The following RBFOX2 variants were observed in gnomAD, a reference collection of about 807,000 sequenced individuals.
RBFOX2 encodes RNA binding fox-1 homolog 2.
A neutral mutation model predicts 49.1 loss-of-function variants in RBFOX2; 10 were observed. The observed-to-expected ratio is 0.20, with a 90% CI of 0.13 to 0.35. The LOEUF (loss-of-function observed/expected upper bound fraction) is 0.35. RBFOX2 is among the 10% of genes least tolerant of loss of function. The probability of loss-of-function intolerance (pLI) is 1.00; values close to 1 mark genes in which losing one functional copy is unlikely to be tolerated. For missense variants in RBFOX2, 323 were observed against 486.9 expected (o/e 0.66, Z 3.17); for synonymous variants, 183 against 187.4 (o/e 0.98, Z 0.19).
At chr22:36,026,715 GAC>G (rs2059452774) in intron 1 of RBFOX2, among the ~76,000 whole-genome samples, 1 of 152,070 alleles carries the variant, frequency 6.6e-6, no homozygotes, top group African/African-American at 2.4e-5. Context: ...CCCTCTGCCT[GAC>G]AGAGTTCTAA....
chr22:35,794,384 C>T (rs1011418098), intron 2 of RBFOX2, among the ~76,000 whole-genome samples: 4 of 152,016 alleles, frequency 2.6e-5, no homozygotes, highest in Non-Finnish European at 4.4e-5. Flanking sequence ...TTAGGCCGTG[C>T]GCGGTGGCTC....
At chr22:35,874,689 G>C (rs1450856641) in intron 1 of RBFOX2, among the ~76,000 whole-genome samples, 1 of 152,174 alleles carries the variant, frequency 6.6e-6, no homozygotes, top group East Asian at 1.9e-4. Flanking sequence ...GCCTAATGAG[G>C]TTAAGTAATT....
At chr22:35,748,619 T>C (rs749648444) in intron 9 of RBFOX2, 1 of 152,194 alleles carries the variant, frequency 6.6e-6, no homozygotes, top group Non-Finnish European at 1.5e-5. Context: ...AGTGTAAAGT[T>C]ACAGCAGGGC....
At chr22:35,752,850 T>C (rs1315956129) in intron 9 of RBFOX2, among the ~76,000 whole-genome samples, 1 of 152,156 alleles carries the variant, frequency 6.6e-6, no homozygotes, top group Non-Finnish European at 1.5e-5. Flanking sequence ...CCTTTTCTAC[T>C]GGCCAAAAAA....
intron 1 of RBFOX2, among the ~76,000 whole-genome samples, chr22:35,892,594 C>T (rs1255303178): frequency 6.6e-6 from 1 of 152,100 alleles, no homozygotes; most frequent in African/African-American, 2.4e-5. Context: ...GAACATAGTC[C>T]AGTAATTTTT....
Position 35,830,796 on chromosome 22 carries a change from A to T in RBFOX2, c.27+9396T>A, listed in dbSNP as rs532624904. Among the ~76,000 whole-genome samples the T allele has an allele frequency of 1.3e-4, 20 of 152,314 alleles. No homozygotes were observed. The South Asian group carries it at 2.7e-3, about 21-fold the overall frequency. ...ATATAACTACATGAAAAATGTTTTT[A>T]AAAAAATATGAAAATGTATATGAAA... is the stretch of plus-strand genomic sequence containing the variant. On this transcript the variant is annotated intron_variant, in intron 1 of 11. Coordinates refer to ENST00000405409, the Ensembl canonical transcript of RBFOX2.
At chr22:36,009,704 A>G (rs1170221562) in intron 1 of RBFOX2, among the ~76,000 whole-genome samples, 1 of 152,132 alleles carries the variant, frequency 6.6e-6, no homozygotes, top group Non-Finnish European at 1.5e-5. Flanking sequence ...GGGCCCTCTT[A>G]ACCAAATATT....
At chr22:35,879,376 T>A (rs945683113) in intron 1 of RBFOX2, among the ~76,000 whole-genome samples, 1 of 152,232 alleles carries the variant, frequency 6.6e-6, no homozygotes, top group Non-Finnish European at 1.5e-5. Flanking sequence ...TTACACTTCA[T>A]TAGGTACTAT....
intron 1 of RBFOX2, among the ~76,000 whole-genome samples, chr22:35,885,208 G>A (rs1042115647): frequency 4.6e-5 from 7 of 152,064 alleles, no homozygotes; most frequent in Admixed American, 6.6e-5. Context: ...AGCAACAACT[G>A]ATCTTCCCAA....
chr22:35,767,374 C>CATT (rs34028120), intron 5 of RBFOX2, among the ~76,000 whole-genome samples: 5 of 152,098 alleles, frequency 3.3e-5, no homozygotes, highest in African/African-American at 9.7e-5. Flanking sequence ...TTACCGCCAA[C>CATT]GGGCACCATC....
chr22:35,816,743 C>T (rs183717706), intron 1 of RBFOX2, among the ~76,000 whole-genome samples: 301 of 152,222 alleles, frequency 2.0e-3, no homozygotes, highest in African/African-American at 6.6e-3. Flanking sequence ...AAAAACCAAT[C>T]GCCATTGAAG....
At chr22:35,886,455 C>T (rs2149334328) in intron 1 of RBFOX2, among the ~76,000 whole-genome samples, 1 of 152,336 alleles carries the variant, frequency 6.6e-6, no homozygotes, top group East Asian at 1.9e-4. Context: ...GCCAGGCACA[C>T]ATCCTGTGAA....
intron 2 of RBFOX2, among the ~76,000 whole-genome samples, chr22:35,793,389 A>G (rs190928450): frequency 3.0e-4 from 46 of 152,260 alleles, no homozygotes; most frequent in Middle Eastern, 6.8e-3. Context: ...TAAATAAATC[A>G]ATGAATAAAA....
exon 6 of RBFOX2, chr22:35,765,441 C>A (rs747603443): frequency 6.6e-7 from 1 of 1,519,180 alleles, no homozygotes; most frequent in Non-Finnish European, 9.1e-7. Flanking sequence ...TATGGTGTGA[C>A]CATCTTCTTA....
intron 1 of RBFOX2, among the ~76,000 whole-genome samples, chr22:35,959,749 T>C (rs1399739846): frequency 1.3e-5 from 2 of 152,184 alleles, no homozygotes; most frequent in Non-Finnish European, 2.9e-5. Context: ...CCCTCCTTGA[T>C]TCAGTAGTGT....
At chr22:35,778,118 T>A (rs1944352280) in intron 3 of RBFOX2, 40 bp from the exon 5 acceptor site, 2 of 1,499,516 alleles carry the variant, frequency 1.3e-6, no homozygotes, top group African/African-American at 2.8e-5. Flanking sequence ...TATGGTCAGG[T>A]TTTTATCCAC....
intron 1 of RBFOX2, among the ~76,000 whole-genome samples, chr22:35,937,009 C>T (rs527258504): frequency 1.3e-5 from 2 of 152,168 alleles, no homozygotes; most frequent in Non-Finnish European, 2.9e-5. Flanking sequence ...AACCACGACC[C>T]CTTTATTACA....
At chr22:35,774,900 A>C (rs939634300) in intron 4 of RBFOX2, among the ~76,000 whole-genome samples, 2 of 152,212 alleles carry the variant, frequency 1.3e-5, no homozygotes, top group Admixed American at 6.5e-5. Context: ...TTTTACATTA[A>C]GTATTGCTAT....
intron 1 of RBFOX2, among the ~76,000 whole-genome samples, chr22:36,007,719 G>A (rs896866790): frequency 6.6e-6 from 1 of 152,028 alleles, no homozygotes; most frequent in Admixed American, 6.6e-5. Context: ...GTGTTTCCTG[G>A]CAGAGTCTAT....
Sources: gnomAD v4.1 joint callset for allele counts (sites outside exome capture counted in the v4.1 genomes callset) on GRCh38, gnomAD v4.1.1 for gene constraint, MANE v1.5 for transcripts, NCBI Gene and HGNC (gene_info 2026-07-23, HGNC 2026-07-21) for gene names.